Variants in SAXO4 observed in about 807,000 individuals in gnomAD.
SAXO4 encodes the protein protein phosphatase 1 regulatory subunit 32.
At chr11:61,482,915 C>A in the SAXO4 span, 1 of 1,184,578 alleles carries the variant, frequency 8.4e-7, no homozygotes, top group Non-Finnish European at 1.1e-6. Flanking sequence ...ATGGAGCAGC[C>A]ACCTTGTAGG....
chr11:61,487,026 G>C, the SAXO4 span: 2 of 1,614,076 alleles, frequency 1.2e-6, no homozygotes, highest in Non-Finnish European at 1.7e-6. Context: ...ACAGACAAAC[G>C]TTGCCCTGCT....
chr11:61,489,188 C>T, the SAXO4 span: 2 of 146,220 alleles, frequency 1.4e-5, no homozygotes, highest in African/African-American at 2.8e-5. Flanking sequence ...AGGCAAACAC[C>T]TCCTCCTGTG....
At chr11:61,490,631 C>A in the SAXO4 span, 3 of 1,516,172 alleles carry the variant, frequency 2.0e-6, no homozygotes, top group Non-Finnish European at 2.7e-6. Context: ...GTTGTGTGGG[C>A]AACCGTTATG....
chr11:61,482,354 C>A, the SAXO4 span: 8 of 1,614,172 alleles, frequency 5.0e-6, no homozygotes, highest in South Asian at 6.6e-5. Context: ...ACGTAGGCAC[C>A]GGCTACAAAT....
At chr11:61,484,721 G>A in the SAXO4 span, 255 of 1,613,684 alleles carry the variant, frequency 1.6e-4, no homozygotes, top group East Asian at 1.7e-3. Context: ...CCAGGAGCAC[G>A]GGCCTCAGGC....
the SAXO4 span, chr11:61,487,221 C>G: frequency 6.2e-7 from 1 of 1,614,094 alleles, no homozygotes; most frequent in South Asian, 1.1e-5. Context: ...TCAGCGATAC[C>G]TGACCACCTA....
At chr11:61,486,610 A>G in the SAXO4 span, 1 of 1,613,974 alleles carries the variant, frequency 6.2e-7, no homozygotes, top group Non-Finnish European at 8.5e-7. Flanking sequence ...TGAACCCCAG[A>G]GTGAGTGGCC....
At chr11:61,487,804 G>A in the SAXO4 span, among the ~76,000 whole-genome samples, 5 of 152,144 alleles carry the variant, frequency 3.3e-5, no homozygotes, top group Admixed American at 6.5e-5. Context: ...TGGTGGGCTC[G>A]ATGCTCCCTC....
At chr11:61,487,018 A>G in the SAXO4 span, 1 of 1,614,146 alleles carries the variant, frequency 6.2e-7, no homozygotes, top group Non-Finnish European at 8.5e-7. Flanking sequence ...CGGATGCAAC[A>G]GACAAACGTT....
the SAXO4 span, chr11:61,484,790 C>T: frequency 1.7e-3 from 2,663 of 1,606,082 alleles, 54 homozygotes; most frequent in South Asian, 0.028. Context: ...GGGCCAGGAC[C>T]CGCTGGAGCG....
At chr11:61,483,528 A>G in the SAXO4 span, among the ~76,000 whole-genome samples, 1 of 151,988 alleles carries the variant, frequency 6.6e-6, no homozygotes, top group African/African-American at 2.4e-5. Context: ...CACCACCAAA[A>G]TGGACACTCA....
the SAXO4 span, chr11:61,485,553 G>A: frequency 1.2e-4 from 90 of 778,852 alleles, no homozygotes; most frequent in African/African-American, 1.2e-3. Flanking sequence ...CGCCTCTCCC[G>A]GGCTGACCTC....
the SAXO4 span, chr11:61,490,724 G>GT: frequency 5.5e-6 from 4 of 722,672 alleles, no homozygotes; most frequent in Non-Finnish European, 2.4e-6. Context: ...CAGATCAGGG[G>GT]GCCTCTCAGA....
At chr11:61,485,286 T>G in the SAXO4 span, 3 of 1,554,908 alleles carry the variant, frequency 1.9e-6, no homozygotes, top group Non-Finnish European at 1.8e-6. Flanking sequence ...GCCACACGCC[T>G]TCGGGGCCCT....
the SAXO4 span, chr11:61,490,483 C>T: frequency 6.2e-6 from 10 of 1,612,074 alleles, no homozygotes; most frequent in Non-Finnish European, 8.5e-6. Flanking sequence ...CCAACACTCT[C>T]CTCTTGCCTC....
chr11:61,485,718 C>A, the SAXO4 span: 1 of 1,071,234 alleles, frequency 9.3e-7, no homozygotes, highest in Non-Finnish European at 1.4e-6. Flanking sequence ...ACTCCCTCTG[C>A]ACCTGCTGGG....
the SAXO4 span, among the ~76,000 whole-genome samples, chr11:61,483,269 C>A: frequency 6.7e-6 from 1 of 149,966 alleles, no homozygotes; most frequent in African/African-American, 2.5e-5. Flanking sequence ...TGGGTTCAAG[C>A]GATTCTCCTG....
At chr11:61,489,608 G>A in the SAXO4 span, 2 of 662,970 alleles carry the variant, frequency 3.0e-6, no homozygotes, top group East Asian at 5.3e-5. Context: ...GGGGAGGGCA[G>A]GCTTTTTGAG....
chr11:61,490,822 A>G, the SAXO4 span: 1 of 561,606 alleles, frequency 1.8e-6, no homozygotes, highest in South Asian at 2.1e-5. Flanking sequence ...AGGTTTGTCA[A>G]TCCTAGGGGA....
Sources: gnomAD v4.1 joint callset for allele counts (sites outside exome capture counted in the v4.1 genomes callset) on GRCh38, gnomAD v4.1.1 for gene constraint, MANE v1.5 for transcripts, NCBI Gene and HGNC (gene_info 2026-07-23, HGNC 2026-07-21) for gene names.